Variants in KIF3C observed in about 807,000 individuals in gnomAD.
KIF3C encodes the protein kinesin-like protein KIF3C.
In KIF3C, 12 loss-of-function variants were observed where a neutral mutation model predicts 67.7. That is an observed-to-expected ratio of 0.18 (90% CI 0.11 to 0.29). KIF3C has a LOEUF of 0.29. Among genes scored for constraint, KIF3C ranks in the 10% least tolerant of loss-of-function variants. The pLI is 1.00. For missense variants in KIF3C, 789 were observed against 1,059.6 expected (o/e 0.74, Z 3.55); for synonymous variants, 393 against 426.2 (o/e 0.92, Z 0.96).
At chr2:25,959,732 AC>A (rs1663898431) in intron 1 of KIF3C, among the ~76,000 whole-genome samples, 1 of 151,976 alleles carries the variant, frequency 6.6e-6, no homozygotes, top group African/African-American at 2.4e-5. Flanking sequence ...GAGCCACTGC[AC>A]CCGGCCACCT....
At chr2:25,934,439 G>A (rs2090488227) in intron 5 of KIF3C, among the ~76,000 whole-genome samples, 1 of 151,882 alleles carries the variant, frequency 6.6e-6, no homozygotes, top group African/African-American at 2.4e-5. Flanking sequence ...ATTAGCCAGG[G>A]GTGGTGATGC....
chr2:25,929,233 T>C (rs994331762), intron 7 of KIF3C, 72 bp downstream of exon 7: 20 of 1,543,934 alleles, frequency 1.3e-5, no homozygotes, highest in Middle Eastern at 1.7e-4. Flanking sequence ...AAACCCTCTT[T>C]AGCATCACCC....
chr2:25,966,253 C>T (rs1465943051), intron 1 of KIF3C, among the ~76,000 whole-genome samples: 1 of 152,122 alleles, frequency 6.6e-6, no homozygotes, highest in Non-Finnish European at 1.5e-5. Flanking sequence ...CTACAGGTGC[C>T]TGCCACCACG....
At chr2:25,957,565 A>G (rs1663838514) in intron 1 of KIF3C, among the ~76,000 whole-genome samples, 1 of 152,158 alleles carries the variant, frequency 6.6e-6, no homozygotes, top group Admixed American at 6.5e-5. Flanking sequence ...ACCTTGAACC[A>G]GTGGAAAAAG....
At chr2:25,949,849 C>T in intron 5 of KIF3C, among the ~76,000 whole-genome samples, 1 of 150,606 alleles carries the variant, frequency 6.6e-6, no homozygotes, top group East Asian at 2.1e-4. Flanking sequence ...CATGCACCTG[C>T]AATCCCAGCT....
chr2:25,947,695 C>A (rs941738861), intron 5 of KIF3C, among the ~76,000 whole-genome samples: 2 of 151,748 alleles, frequency 1.3e-5, no homozygotes, highest in African/African-American at 4.8e-5. Flanking sequence ...ATATACAAAC[C>A]ATTTTAACCC....
chr2:25,954,454 G>C, intron 3 of KIF3C, 69 bp from the exon 4 acceptor site: 1 of 1,178,144 alleles, frequency 8.5e-7, no homozygotes, highest in Non-Finnish European at 1.2e-6. Context: ...CCCAGCCTGG[G>C]CCGCAGGGCT....
At chr2:25,976,356 T>C (rs1183961679) in intron 1 of KIF3C, among the ~76,000 whole-genome samples, 5 of 152,176 alleles carry the variant, frequency 3.3e-5, no homozygotes, top group African/African-American at 1.2e-4. Context: ...GATGCTGTTG[T>C]TTCTGTCTTC....
chr2:25,940,591 A>C (rs972016564), intron 5 of KIF3C, among the ~76,000 whole-genome samples: 1 of 151,764 alleles, frequency 6.6e-6, no homozygotes, highest in Non-Finnish European at 1.5e-5. Context: ...AAACAACAGA[A>C]AAAAACTTAC....
Position 25,980,408 on chromosome 2 carries a change from G to C in KIF3C, c.1510C>G (p.Gln504Glu), listed in dbSNP as rs1370661347. 3 of 1,613,988 alleles carry C rather than the reference G, an allele frequency of 1.9e-6. No homozygotes were observed. The highest frequency in any genetic ancestry group is 2.5e-6 in the Non-Finnish European group (3 of 1,179,982). ...GCCGCAAGCAGCTCTGTGGCCTGCT[G>C]TTCCCGCCGCAGGTCCTCCAGCATC... ...EKMLEDLRRE[Q>E]QATELLAAKY... The change falls in exon 1 of 8, where the codon CAG becomes GAG. Residue 504 changes from glutamine to glutamate, a missense_variant. Gln to Glu is a conservative substitution (Grantham distance 29). Transcript: ENST00000264712. This position sits in a 1 kb window ranked among gnomAD's most constrained non-coding sequence, Gnocchi z 7.6.
chr2:25,978,092 G>C (rs1341883857), intron 1 of KIF3C, among the ~76,000 whole-genome samples: 1 of 152,158 alleles, frequency 6.6e-6, no homozygotes, highest in Non-Finnish European at 1.5e-5. Flanking sequence ...GCTGGAGAGG[G>C]AAAGGCGGTT....
intron 5 of KIF3C, among the ~76,000 whole-genome samples, chr2:25,947,308 G>A (rs1333310728): frequency 9.9e-5 from 15 of 152,078 alleles, no homozygotes; most frequent in Admixed American, 9.8e-4. Context: ...GGGGCCCGAC[G>A]CAGTGGCTTG....
At chr2:25,949,036 C>T (rs1663523053) in intron 5 of KIF3C, among the ~76,000 whole-genome samples, 1 of 152,098 alleles carries the variant, frequency 6.6e-6, no homozygotes, top group Admixed American at 6.6e-5. Flanking sequence ...AGGACATTGG[C>T]AAATTTTAAT....
At chr2:25,935,377 T>G (rs923244294) in intron 5 of KIF3C, among the ~76,000 whole-genome samples, 5 of 152,136 alleles carry the variant, frequency 3.3e-5, no homozygotes, top group Admixed American at 3.3e-4. Context: ...AAGCCTTTTT[T>G]TTTTCTATAG....
At chr2:25,961,740 T>C (rs892598895) in intron 1 of KIF3C, among the ~76,000 whole-genome samples, 1 of 152,196 alleles carries the variant, frequency 6.6e-6, no homozygotes, top group Admixed American at 6.5e-5. Flanking sequence ...GTACTGTGTG[T>C]AGTTCTCTTA....
Position 25,982,028 on chromosome 2 carries a change from C to G in KIF3C, c.-111G>C, listed in dbSNP as rs1318905762. On this transcript the variant is annotated 5_prime_UTR_variant, in exon 1 of 8. Transcript: ENST00000264712. Reference sequence around the variant, plus strand: ...GCCGGCCCAGCCCCCAGGCGCAGCTCTTCAATCCGCATGCAGCCTCCTAGG... The same window carrying G: ...GCCGGCCCAGCCCCCAGGCGCAGCTGTTCAATCCGCATGCAGCCTCCTAGG... 1 of 860,796 alleles carries G rather than the reference C, an allele frequency of 1.2e-6. No homozygotes were observed. The highest frequency in any genetic ancestry group is 1.7e-5 in the African/African-American group (1 of 58,782). 53.3% of individuals were successfully genotyped at this position (860,796 alleles called of 1,614,324 possible).
intron 5 of KIF3C, among the ~76,000 whole-genome samples, chr2:25,944,073 A>G (rs1174411203): frequency 6.6e-6 from 1 of 151,876 alleles, no homozygotes; most frequent in Non-Finnish European, 1.5e-5. Flanking sequence ...ATAGATATGT[A>G]ATCTTGCTCT....
chr2:25,980,948 G>A lies in KIF3C; in HGVS notation c.970C>T (p.Arg324Trp), dbSNP rs1664560214. The change falls in exon 1 of 8, where the codon CGG (arginine) becomes TGG (tryptophan). Residue 324 changes from arginine to tryptophan, a missense_variant. Arg to Trp is a moderately radical substitution (Grantham distance 101). This residue lies in a region of KIF3C where 648 missense variants were observed against 807.8 expected (regional missense o/e 0.80). Coordinates refer to ENST00000264712, the MANE Select transcript of KIF3C (RefSeq NM_002254.8). This position sits in a 1 kb window ranked among gnomAD's most constrained non-coding sequence, Gnocchi z 7.6. ...HIPYRDSKLT[R>W]LLQDSLGGNA... ...CCCCCCAGGGAGTCCTGGAGCAGCC[G>A]GGTCAGCTTGGAGTCCCGGTAGGGA... 2.5e-6 allele frequency: 4 copies of A among 1,614,064 alleles called. No homozygotes were observed. Among genetic ancestry groups the A allele is most frequent in the Admixed American group, 1.7e-5 (1 of 60,000 alleles).
intron 1 of KIF3C, among the ~76,000 whole-genome samples, chr2:25,963,697 ATTATTAT>A (rs1305646858): frequency 6.8e-6 from 1 of 147,312 alleles, no homozygotes; most frequent in African/African-American, 2.5e-5. Flanking sequence ...TATTATTATT[ATTATTAT>A]TATTTTGAGA....
Sources: gnomAD v4.1 joint callset for allele counts (sites outside exome capture counted in the v4.1 genomes callset) on GRCh38, gnomAD v4.1.1 for gene constraint, gnomAD v4.1.1 regional missense constraint, Gnocchi (gnomAD v3.1) non-coding constraint, MANE v1.5 for transcripts, NCBI Gene and HGNC (gene_info 2026-07-23, HGNC 2026-07-21) for gene names.